CAMTA1: variants seen among roughly 807,000 people sequenced by gnomAD.
CAMTA1 encodes calmodulin-binding transcription activator 1.
A neutral mutation model predicts 170.9 loss-of-function variants in CAMTA1; 27 were observed. The observed-to-expected ratio is 0.16, with a 90% CI of 0.12 to 0.22. The LOEUF (loss-of-function observed/expected upper bound fraction) is 0.22. CAMTA1 is among the 10% of genes least tolerant of loss of function. The pLI, the probability that CAMTA1 is intolerant of heterozygous loss-of-function variation, is 1.00. For missense variants in CAMTA1, 1,619 were observed against 2,217.2 expected, an observed-to-expected ratio of 0.73 and a Z score of 5.42; for synonymous variants, 833 against 891.5, an observed-to-expected ratio of 0.93 and a Z score of 1.17.
intron 7 of CAMTA1, among the ~76,000 whole-genome samples, chr1:7,640,937 C>T (rs1165902692): frequency 6.6e-6 from 1 of 152,190 alleles, no homozygotes; most frequent in Non-Finnish European, 1.5e-5. Context: ...ACCCTGCCTC[C>T]TGCCTTGCCC....
chr1:7,618,489 T>C (rs1483919739), intron 6 of CAMTA1, among the ~76,000 whole-genome samples: 1 of 152,250 alleles, frequency 6.6e-6, no homozygotes, highest in Non-Finnish European at 1.5e-5. Flanking sequence ...TTGGGGCCTC[T>C]GCCCCAAAGA....
In CAMTA1 at chr1:6,934,989, A is replaced by G. The variant is rs1685065606; in HGVS notation, c.234+109779A>G. On this transcript the variant is annotated intron_variant, in intron 3 of 22. Coordinates refer to ENST00000303635, the MANE Select transcript of CAMTA1 (RefSeq NM_015215.4). This position sits in a 1 kb window ranked among gnomAD's most constrained non-coding sequence, Gnocchi z 4.5. ...CAATATGTTACAAGGGGAAGAAAAG[A>G]CTATTGGGGAACTTAAAAGAAATGC... is the stretch of plus-strand genomic sequence containing the variant. Among the ~76,000 whole-genome samples the G allele has an allele frequency of 6.6e-6, 1 of 152,236 alleles. No homozygotes were observed. Among genetic ancestry groups the G allele is most frequent in the African/African-American group, 2.4e-5 (1 of 41,464 alleles).
chr1:7,418,486 A>G (rs983302036), intron 5 of CAMTA1, among the ~76,000 whole-genome samples: 1 of 152,192 alleles, frequency 6.6e-6, no homozygotes, highest in Non-Finnish European at 1.5e-5. Context: ...GGCATGAGCC[A>G]CCGTGCCTGG....
At chr1:7,548,982 C>T (rs1575968455) in intron 6 of CAMTA1, among the ~76,000 whole-genome samples, 1 of 135,888 alleles carries the variant, frequency 7.4e-6, no homozygotes, top group African/African-American at 2.7e-5. Context: ...GGAAGGTACC[C>T]CCTTAGGGGT....
chr1:7,543,675 G>C (rs1363841512), intron 6 of CAMTA1, among the ~76,000 whole-genome samples: 3 of 152,172 alleles, frequency 2.0e-5, no homozygotes, highest in Non-Finnish European at 4.4e-5. Context: ...TTCTGAAATA[G>C]ACAATTCTGA....
chr1:7,440,131 G>A (rs2092475490), intron 5 of CAMTA1, among the ~76,000 whole-genome samples: 1 of 152,384 alleles, frequency 6.6e-6, no homozygotes, highest in East Asian at 1.9e-4. Context: ...CGTGGCATAG[G>A]CGAGAGGGCA....
chr1:7,577,404 CCTT>C (rs2095209306), intron 6 of CAMTA1, among the ~76,000 whole-genome samples: 1 of 152,156 alleles, frequency 6.6e-6, no homozygotes, highest in Admixed American at 6.5e-5. Flanking sequence ...TGTCAGCACT[CCTT>C]CTCACCGTCA....
At chr1:6,805,889 T>C (rs1001618500) in intron 1 of CAMTA1, among the ~76,000 whole-genome samples, 1 of 152,098 alleles carries the variant, frequency 6.6e-6, no homozygotes, top group Non-Finnish European at 1.5e-5. Flanking sequence ...TTTTGTTTTT[T>C]TTTTTGGTCA....
At position 7,664,184 on chromosome 1, in the gene CAMTA1, A is replaced by G; in HGVS notation, c.1637A>G (p.Glu546Gly). The stretch of plus-strand genomic sequence containing the variant: ...TCCTTCGAGCAGCAGATGGCCAAAG[A>G]AGCGTACTCCTCCTCCGCGGCGGCT... ...DTSFEQQMAK[E>G]AYSSSAAAVA... Residue 546 changes from glutamate (E) to glycine (G), a missense_variant, in exon 9 of 23, where the codon GAA (glutamate) becomes GGA (glycine). Physicochemically the swap from Glu to Gly is moderately conservative, Grantham distance 98 (BLOSUM62 -2). Coordinates refer to ENST00000303635, the MANE Select transcript of CAMTA1 (RefSeq NM_015215.4). 6.2e-7 allele frequency: 1 copy of G among 1,612,812 alleles called. No homozygotes were observed. The highest frequency in any genetic ancestry group is 1.1e-5 in the South Asian group (1 of 91,088).
rs371714468 is a variant in CAMTA1 at position 6,968,790 on chromosome 1, G to A, written c.235-122514G>A. Among the ~76,000 whole-genome samples, 19 of 152,186 alleles carry A rather than the reference G, an allele frequency of 1.2e-4. 1 individual carries two copies. Among genetic ancestry groups the A allele is most frequent in the African/African-American group, 2.9e-4 (12 of 41,512 alleles). On this transcript the variant is annotated intron_variant, in intron 3 of 22. Coordinates refer to ENST00000303635, the MANE Select transcript of CAMTA1 (RefSeq NM_015215.4). ...GTGGAGGTGGGGGCTTGGGGGAGGC[G>A]GGTTACAGGGAAGAACATCCTGGTC...
chr1:7,364,839 G>A (rs2085842103), intron 5 of CAMTA1, among the ~76,000 whole-genome samples: 1 of 152,232 alleles, frequency 6.6e-6, no homozygotes, highest in Admixed American at 6.5e-5. Flanking sequence ...ATGGCACAAA[G>A]CAAGGGCTCA....
intron 5 of CAMTA1, among the ~76,000 whole-genome samples, chr1:7,371,413 C>A (rs1436429115): frequency 1.3e-5 from 2 of 152,058 alleles, no homozygotes; most frequent in Non-Finnish European, 2.9e-5. Flanking sequence ...CCTGCCACCC[C>A]GCCTGGCTAA....
At chr1:7,594,785 G>T (rs1203836808) in intron 6 of CAMTA1, among the ~76,000 whole-genome samples, 1 of 152,220 alleles carries the variant, frequency 6.6e-6, no homozygotes, top group African/African-American at 2.4e-5. Context: ...TTGAAGAGCT[G>T]CATGGAAGGT....
intron 3 of CAMTA1, among the ~76,000 whole-genome samples, chr1:7,090,910 G>C (rs574901617): frequency 1.4e-4 from 21 of 152,300 alleles, no homozygotes; most frequent in Non-Finnish European, 2.2e-4. Context: ...TGAAAGATTC[G>C]TCCAGCTTCA....
intron 5 of CAMTA1, among the ~76,000 whole-genome samples, chr1:7,459,754 G>C (rs951259426): frequency 1.3e-5 from 2 of 152,218 alleles, no homozygotes; most frequent in African/African-American, 4.8e-5. Flanking sequence ...ATCTGGAAGA[G>C]AGAGACTTTC....
intron 3 of CAMTA1, chr1:6,834,503 G>A: frequency 3.9e-6 from 1 of 257,462 alleles, no homozygotes; most frequent in Non-Finnish European, 7.6e-6. Flanking sequence ...GCACTTGGCG[G>A]GGTAGCCACA....
intron 6 of CAMTA1, among the ~76,000 whole-genome samples, chr1:7,626,148 C>A (rs1336205307): frequency 6.6e-6 from 1 of 152,180 alleles, no homozygotes; most frequent in South Asian, 2.1e-4. Flanking sequence ...ATTAAAAAAA[C>A]ATACAGCCCA....
chr1:7,219,729 G>A (rs1000417615), intron 4 of CAMTA1, among the ~76,000 whole-genome samples: 1 of 151,870 alleles, frequency 6.6e-6, no homozygotes, highest in Non-Finnish European at 1.5e-5. Context: ...GATAGGATTA[G>A]TGCCCTTATA....
chr1:7,031,870 A>G (rs534400327), intron 3 of CAMTA1, among the ~76,000 whole-genome samples: 2 of 152,070 alleles, frequency 1.3e-5, no homozygotes, highest in African/African-American at 4.8e-5. Flanking sequence ...AAGTAGTTAG[A>G]CCACTTATAT....
Sources: gnomAD v4.1 joint callset for allele counts (sites outside exome capture counted in the v4.1 genomes callset) on GRCh38, gnomAD v4.1.1 for gene constraint, Gnocchi (gnomAD v3.1) non-coding constraint, MANE v1.5 for transcripts, NCBI Gene and HGNC (gene_info 2026-07-23, HGNC 2026-07-21) for gene names.